ATP10B: variants seen among roughly 807,000 people sequenced by gnomAD.
ATP10B encodes the protein phospholipid-transporting ATPase VB.
ATP10B carries 122 observed loss-of-function variants against 141.2 expected under a neutral mutation model. That is an observed-to-expected ratio of 0.86 (90% CI 0.75 to 1.00). The LOEUF (loss-of-function observed/expected upper bound fraction) is 1.00. Ranked by LOEUF, ATP10B falls within the 50% of genes least tolerant of loss-of-function variation. The pLI is 0.00. For synonymous variants in ATP10B, 685 were observed against 692.0 expected (o/e 0.99, Z 0.16); for missense variants, 1,876 against 1,825.3 (o/e 1.03, Z -0.51).
intron 3 of ATP10B, among the ~76,000 whole-genome samples, chr5:160,716,114 G>A (rs1216492802): frequency 6.6e-6 from 1 of 152,156 alleles, no homozygotes; most frequent in Non-Finnish European, 1.5e-5. Context: ...TGCACAAGGA[G>A]ATCTTCAGAA....
At chr5:160,783,562 TACACACACACACACAC>T (rs57796332) in intron 2 of ATP10B, among the ~76,000 whole-genome samples, 4 of 131,292 alleles carry the variant, frequency 3.0e-5, no homozygotes, top group Admixed American at 8.0e-5. Flanking sequence ...ATATATATGA[TACACACACACACACAC>T]ACACACACAC....
chr5:160,642,832 A>G (rs1322288977), intron 9 of ATP10B, among the ~76,000 whole-genome samples: 1 of 152,226 alleles, frequency 6.6e-6, no homozygotes, highest in Non-Finnish European at 1.5e-5. Context: ...CCTGTTCAGG[A>G]ACATGCAGAA....
chr5:160,808,253 T>C (rs1167366626), intron 1 of ATP10B, among the ~76,000 whole-genome samples: 1 of 152,140 alleles, frequency 6.6e-6, no homozygotes, highest in Non-Finnish European at 1.5e-5. Context: ...AAAAGAAGAC[T>C]TTGGAGAAAA....
At chr5:160,579,437 T>G (rs1755407774) in intron 24 of ATP10B, among the ~76,000 whole-genome samples, 1 of 152,210 alleles carries the variant, frequency 6.6e-6, no homozygotes, top group African/African-American at 2.4e-5. Flanking sequence ...CTTTCCCCAT[T>G]GCTTGTTTCT....
At chr5:160,660,745 T>C (rs1005337649) in intron 7 of ATP10B, among the ~76,000 whole-genome samples, 1 of 152,214 alleles carries the variant, frequency 6.6e-6, no homozygotes, top group Admixed American at 6.5e-5. Context: ...GCAGTTCCTA[T>C]GACATAACAT....
chr5:160,894,413 G>C, the ATP10B span, among the ~76,000 whole-genome samples: 1 of 151,824 alleles, frequency 6.6e-6, no homozygotes, highest in Non-Finnish European at 1.5e-5. Flanking sequence ...GCATATACAA[G>C]TATCAATAGC....
At chr5:160,794,033 C>T (rs1285141293) in intron 1 of ATP10B, among the ~76,000 whole-genome samples, 1 of 152,154 alleles carries the variant, frequency 6.6e-6, no homozygotes, top group Non-Finnish European at 1.5e-5. Flanking sequence ...TGTCTAAAAA[C>T]ATATTTCTCA....
In ATP10B at chr5:160,783,776, T is replaced by A. The variant is rs558304378; in HGVS notation, c.-331+1783A>T. 1.1e-4 allele frequency among the ~76,000 whole-genome samples: 16 copies of A among 152,152 alleles called. No homozygotes were observed. The South Asian group carries it at 3.3e-3, about 32-fold the overall frequency. ...GTAGTGGGATTGCTGGACCAAATGGTAGTTCTACTTTTAGTTCTTTAAGGA... is the reference window on the plus strand; with the variant it reads ...GTAGTGGGATTGCTGGACCAAATGGAAGTTCTACTTTTAGTTCTTTAAGGA... On this transcript the variant is annotated intron_variant, in intron 2 of 25. Transcript: ENST00000327245.
At chr5:160,854,229 A>T (rs1392098591), upstream of ATP10B, among the ~76,000 whole-genome samples, 2 of 152,110 alleles carry the variant, frequency 1.3e-5, no homozygotes. Context: ...CATGCAGAAC[A>T]TGCAGGTTAC....
intron 1 of ATP10B, among the ~76,000 whole-genome samples, chr5:160,851,288 G>C (rs992475264): frequency 5.3e-5 from 8 of 152,174 alleles, no homozygotes; most frequent in African/African-American, 1.9e-4. Flanking sequence ...CTTAGGGTTA[G>C]GGATAGTGTC....
chr5:160,806,901 G>C (rs999338731), intron 1 of ATP10B, among the ~76,000 whole-genome samples: 1 of 152,146 alleles, frequency 6.6e-6, no homozygotes, highest in African/African-American at 2.4e-5. Context: ...AGAGCACTTT[G>C]TCACCCTCCA....
intron 24 of ATP10B, among the ~76,000 whole-genome samples, chr5:160,577,160 A>T (rs1291497431): frequency 2.6e-5 from 4 of 152,180 alleles, no homozygotes; most frequent in Non-Finnish European, 5.9e-5. Flanking sequence ...CAAAGAAGAA[A>T]TATCATCTTT....
In ATP10B at chr5:160,835,999, A is replaced by G. The variant is rs138542609; in HGVS notation, c.-576+15942T>C. ...AAAGGAAGTGAAACAACTCAGAAAC[A>G]GAAACTCAAATACCACATGTTCTCA... On this transcript the variant is annotated intron_variant, in intron 1 of 25. Coordinates refer to ENST00000327245, the MANE Select transcript of ATP10B (RefSeq NM_025153.3). Among the ~76,000 whole-genome samples the G allele has an allele frequency of 8.5e-5, 13 of 152,300 alleles. No individual in the cohort carries two copies. In the East Asian group the frequency reaches 1.9e-3, roughly 23 times the overall value.
At chr5:160,600,574 T>C (rs1395328295) in intron 21 of ATP10B, among the ~76,000 whole-genome samples, 4 of 152,214 alleles carry the variant, frequency 2.6e-5, no homozygotes, top group Non-Finnish European at 2.9e-5. Context: ...TTTGAATCAA[T>C]GTAGTTAATC....
intron 2 of ATP10B, among the ~76,000 whole-genome samples, chr5:160,751,289 C>T (rs1436684036): frequency 1.3e-5 from 2 of 152,192 alleles, no homozygotes; most frequent in Non-Finnish European, 2.9e-5. Context: ...ATTGCTCCCC[C>T]TTTTTCTCTC....
rs1354231191 is a variant in ATP10B, at chr5:160,621,062, C to T, written c.1813-112G>A. ...TGCAATAAGTGAAGCCAGATATTTT[C>T]CTCCAGCCCTGAAATTCTAAGCATT... is the stretch of plus-strand genomic sequence containing the variant. On this transcript the variant is annotated intron_variant, in intron 14 of 25. Coordinates refer to ENST00000327245, the MANE Select transcript of ATP10B (RefSeq NM_025153.3). The T allele has an allele frequency of 2.9e-5, 38 of 1,316,682 alleles. No individual in the cohort carries two copies. The Admixed American group carries it at 8.7e-4, about 30-fold the overall frequency. 81.6% of individuals were successfully genotyped at this position (1,316,682 alleles called of 1,614,324 possible). A position where few individuals can be genotyped will look rare whatever the true frequency, so the allele number is the denominator to read the frequency against.
intron 2 of ATP10B, among the ~76,000 whole-genome samples, chr5:160,752,174 T>A (rs796675432): frequency 1.8e-5 from 1 of 54,858 alleles, no homozygotes; most frequent in Admixed American, 2.3e-4. Flanking sequence ...GTCCCCCTAC[T>A]TTTTTTTTTT....
intron 6 of ATP10B, among the ~76,000 whole-genome samples, chr5:160,677,469 GTC>G (rs901416993): frequency 6.6e-6 from 1 of 152,164 alleles, no homozygotes; most frequent in African/African-American, 2.4e-5. Context: ...TTTTTCTGTT[GTC>G]TGCATTTTTC....
At chr5:160,707,963 G>A (rs528559725) in intron 3 of ATP10B, among the ~76,000 whole-genome samples, 1 of 152,170 alleles carries the variant, frequency 6.6e-6, no homozygotes, top group African/African-American at 2.4e-5. Context: ...GTTGGGAGTT[G>A]CACATGCCTC....
Sources: allele counts gnomAD v4.1 joint callset (sites outside exome capture counted in the v4.1 genomes callset), GRCh38; gene constraint gnomAD v4.1.1; transcripts MANE v1.5; gene names NCBI Gene and HGNC (gene_info 2026-07-23, HGNC 2026-07-21).